Variants in DRC11 observed in about 807,000 individuals in gnomAD.
DRC11 encodes dynein regulatory complex subunit 11.
the DRC11 span, among the ~76,000 whole-genome samples, chr2:236,404,173 AAAAAAAG>A: frequency 7.2e-5 from 11 of 151,838 alleles, no homozygotes; most frequent in African/African-American, 2.7e-4. Flanking sequence ...AAAAAAAAAA[AAAAAAAG>A]AAAAAGAAAA....
the DRC11 span, chr2:236,419,049 C>A: frequency 7.1e-7 from 1 of 1,412,386 alleles, no homozygotes; most frequent in Non-Finnish European, 9.3e-7. The surrounding 1 kb of genome is among the most constrained non-coding windows in gnomAD (Gnocchi z 4.8). Flanking sequence ...CAAACGGCTG[C>A]ACTCCCAACA....
the DRC11 span, among the ~76,000 whole-genome samples, chr2:236,350,171 C>A: frequency 6.6e-6 from 1 of 152,204 alleles, no homozygotes; most frequent in Non-Finnish European, 1.5e-5. The surrounding 1 kb of genome is among the most constrained non-coding windows in gnomAD (Gnocchi z 5.2). Context: ...GCATCAGATT[C>A]TAAATCAGTT....
the DRC11 span, among the ~76,000 whole-genome samples, chr2:236,383,315 A>G: frequency 6.6e-6 from 1 of 152,036 alleles, no homozygotes; most frequent in Non-Finnish European, 1.5e-5. Context: ...TCTATTTCTG[A>G]AGGTATTTAA....
the DRC11 span, chr2:236,497,309 C>A: frequency 6.2e-6 from 10 of 1,613,740 alleles, no homozygotes; most frequent in East Asian, 4.5e-5. The surrounding 1 kb of genome is among the most constrained non-coding windows in gnomAD (Gnocchi z 5.1). Flanking sequence ...TGGGGGTGGA[C>A]GAACTGGTCG....
chr2:236,364,826 G>A, the DRC11 span, among the ~76,000 whole-genome samples: 1 of 152,130 alleles, frequency 6.6e-6, no homozygotes, highest in Non-Finnish European at 1.5e-5. Flanking sequence ...TCAGTATGAT[G>A]ATTATGCTTT....
At chr2:236,310,133 C>T in the DRC11 span, among the ~76,000 whole-genome samples, 2 of 152,268 alleles carry the variant, frequency 1.3e-5, no homozygotes, top group East Asian at 1.9e-4. This position sits in a 1 kb window ranked among gnomAD's most constrained non-coding sequence, Gnocchi z 5.5. Flanking sequence ...AGGACAGGCC[C>T]ATGAAGCAGC....
chr2:236,492,330 G>C, the DRC11 span, among the ~76,000 whole-genome samples: 1 of 152,194 alleles, frequency 6.6e-6, no homozygotes, highest in Non-Finnish European at 1.5e-5. Context: ...ATCCAGCAGG[G>C]AACATGCCTA....
chr2:236,352,655 C>T, the DRC11 span, among the ~76,000 whole-genome samples: 1 of 152,188 alleles, frequency 6.6e-6, no homozygotes, highest in Non-Finnish European at 1.5e-5. This position sits in a 1 kb window ranked among gnomAD's most constrained non-coding sequence, Gnocchi z 7.0. Context: ...CCGTTGAACA[C>T]TTCCTGTCCT....
chr2:236,373,983 G>T, the DRC11 span, among the ~76,000 whole-genome samples: 2 of 152,196 alleles, frequency 1.3e-5, no homozygotes. Flanking sequence ...CACCGCCCCA[G>T]CTCCTTCACA....
At chr2:236,325,787 G>C in the DRC11 span, among the ~76,000 whole-genome samples, 1 of 152,062 alleles carries the variant, frequency 6.6e-6, no homozygotes, top group Non-Finnish European at 1.5e-5. The surrounding 1 kb of genome is among the most constrained non-coding windows in gnomAD (Gnocchi z 4.4). Flanking sequence ...ATTTTTAGTA[G>C]AGACGGGGTT....
the DRC11 span, chr2:236,331,621 G>T: frequency 6.4e-7 from 1 of 1,555,744 alleles, no homozygotes; most frequent in Non-Finnish European, 8.8e-7. This position sits in a 1 kb window ranked among gnomAD's most constrained non-coding sequence, Gnocchi z 4.8. Flanking sequence ...AAAAGACACA[G>T]AGAACAAGGG....
chr2:236,380,604 C>CT, the DRC11 span: 1 of 1,551,554 alleles, frequency 6.4e-7, no homozygotes, highest in Non-Finnish European at 8.7e-7. The surrounding 1 kb of genome is among the most constrained non-coding windows in gnomAD (Gnocchi z 4.9). Flanking sequence ...TCTTTGCCTT[C>CT]TTCTCTTTCT....
the DRC11 span, among the ~76,000 whole-genome samples, chr2:236,331,041 T>C: frequency 3.3e-5 from 5 of 152,208 alleles, no homozygotes; most frequent in Non-Finnish European, 5.9e-5. This position sits in a 1 kb window ranked among gnomAD's most constrained non-coding sequence, Gnocchi z 4.8. Flanking sequence ...ACGCAAAACT[T>C]ATTCCATAAT....
chr2:236,470,066 T>C, the DRC11 span, among the ~76,000 whole-genome samples: 1 of 152,186 alleles, frequency 6.6e-6, no homozygotes, highest in Non-Finnish European at 1.5e-5. This position sits in a 1 kb window ranked among gnomAD's most constrained non-coding sequence, Gnocchi z 5.1. Context: ...AAATAGGACA[T>C]AATGTGATGC....
the DRC11 span, among the ~76,000 whole-genome samples, chr2:236,355,343 GCACTTTCTCCTC>G: frequency 1.3e-5 from 2 of 152,240 alleles, no homozygotes; most frequent in East Asian, 3.8e-4. Flanking sequence ...GGCGCTCTCT[GCACTTTCTCCTC>G]CCTTTTGCCA....
chr2:236,368,876 A>C, the DRC11 span: 1 of 152,472 alleles, frequency 6.6e-6, no homozygotes, highest in Non-Finnish European at 1.5e-5. Context: ...AGAGTACCAA[A>C]GGAATAATGC....
the DRC11 span, among the ~76,000 whole-genome samples, chr2:236,371,776 G>A: frequency 6.6e-6 from 1 of 152,174 alleles, no homozygotes; most frequent in African/African-American, 2.4e-5. The surrounding 1 kb of genome is among the most constrained non-coding windows in gnomAD (Gnocchi z 5.1). Context: ...TGTGTCCCAT[G>A]TACTTGAAAA....
chr2:236,494,031 G>T, the DRC11 span: 1 of 620,658 alleles, frequency 1.6e-6, no homozygotes, highest in Non-Finnish European at 2.5e-6. This position sits in a 1 kb window ranked among gnomAD's most constrained non-coding sequence, Gnocchi z 4.2. Flanking sequence ...AATGAGGCCA[G>T]CGGAGTGAGG....
chr2:236,390,307 T>TTTGCTTATTATTTGCTTATTA, the DRC11 span, among the ~76,000 whole-genome samples: 2 of 152,196 alleles, frequency 1.3e-5, no homozygotes, highest in Non-Finnish European at 2.9e-5. This position sits in a 1 kb window ranked among gnomAD's most constrained non-coding sequence, Gnocchi z 5.9. Context: ...TTGCTTATTA[T>TTTGCTTATTATTTGCTTATTA]TTGCATGAGA....
Sources: allele counts gnomAD v4.1 joint callset (sites outside exome capture counted in the v4.1 genomes callset), GRCh38; gene constraint gnomAD v4.1.1; non-coding constraint Gnocchi (gnomAD v3.1); transcripts MANE v1.5; gene names NCBI Gene and HGNC (gene_info 2026-07-23, HGNC 2026-07-21).